Variants in ATP2B2 observed in about 807,000 individuals in gnomAD.
The protein encoded by ATP2B2 is ATPase plasma membrane Ca2+ transporting 2.
ATP2B2 carries 15 observed loss-of-function variants against 120.0 expected under a neutral mutation model. The observed-to-expected ratio is 0.12, with a 90% confidence interval of 0.08 to 0.19. The LOEUF (loss-of-function observed/expected upper bound fraction) is 0.19. ATP2B2 is among the 10% of genes least tolerant of loss of function. The probability of loss-of-function intolerance (pLI) is 1.00; values close to 1 mark genes in which losing one functional copy is unlikely to be tolerated. For missense variants in ATP2B2, 1,045 were observed against 1,719.8 expected (o/e 0.61, Z 6.94); for synonymous variants, 694 against 700.3 (o/e 0.99, Z 0.14).
At chr3:10,690,480 A>C (rs548725000) in intron 1 of ATP2B2, among the ~76,000 whole-genome samples, 70 of 138,760 alleles carry the variant, frequency 5.0e-4, no homozygotes, top group Middle Eastern at 3.8e-3. Flanking sequence ...ATCTATCTAT[A>C]TATCTCCTTC....
chr3:10,447,357 TG>T (rs1253010816), intron 2 of ATP2B2, among the ~76,000 whole-genome samples: 2 of 152,206 alleles, frequency 1.3e-5, no homozygotes, highest in Non-Finnish European at 2.9e-5. Flanking sequence ...TGCTGGAACT[TG>T]GCCGTGAGCT....
intron 1 of ATP2B2, among the ~76,000 whole-genome samples, chr3:10,705,538 A>G (rs1282618820): frequency 1.3e-5 from 2 of 152,158 alleles, no homozygotes; most frequent in African/African-American, 4.8e-5. Flanking sequence ...GCTACTGCCT[A>G]CAAGTCCTCT....
chr3:10,328,554 C>A lies in ATP2B2; in HGVS notation c.*260G>T. ...ATGTCTGGGTGGGAGCCAGGAAGGGCTTGTTTTGGGAAAACCGCTCACTCC... is the reference window on the plus strand; with the variant it reads ...ATGTCTGGGTGGGAGCCAGGAAGGGATTGTTTTGGGAAAACCGCTCACTCC... On this transcript the variant is annotated 3_prime_UTR_variant, in exon 23 of 23. Transcript: ENST00000360273. 2.2e-6 allele frequency: 1 copy of A among 456,786 alleles called. No homozygotes were observed. The highest frequency in any genetic ancestry group is 3.9e-6 in the Non-Finnish European group (1 of 255,620). The allele number at this position is 456,786 out of a possible 1,614,324, so 28.3% of individuals were successfully genotyped here.
Position 10,402,369 on chromosome 3 carries a change from A to G in ATP2B2, c.398-21T>C, listed in dbSNP as rs2062251342. The G allele has an allele frequency of 8.7e-6, 14 of 1,611,300 alleles. No homozygotes were observed. The highest frequency in any genetic ancestry group is 1.2e-5 in the Non-Finnish European group (14 of 1,180,032). On this transcript the variant is annotated intron_variant, in intron 3 of 22. Coordinates refer to ENST00000360273, the MANE Select transcript of ATP2B2 (RefSeq NM_001001331.4). The surrounding 1 kb of genome is among the most constrained non-coding windows in gnomAD (Gnocchi z 4.9). Reference sequence around the variant, plus strand: ...ACATCCTGAAAGACCAGATAGAAGCAGGCAGAGTGAGGTCAACCAGACAGG... The same window carrying G: ...ACATCCTGAAAGACCAGATAGAAGCGGGCAGAGTGAGGTCAACCAGACAGG...
chr3:10,548,456 T>C (rs2067597253), intron 2 of ATP2B2, among the ~76,000 whole-genome samples: 1 of 152,162 alleles, frequency 6.6e-6, no homozygotes, highest in African/African-American at 2.4e-5. Flanking sequence ...TGGGAGTTGG[T>C]GTATAGATAG....
chr3:10,538,116 T>C (rs2067358195), intron 2 of ATP2B2, among the ~76,000 whole-genome samples: 1 of 152,226 alleles, frequency 6.6e-6, no homozygotes, highest in Non-Finnish European at 1.5e-5. Context: ...TTGTATTGTC[T>C]TTGTCTGGTT....
At chr3:10,458,031 G>A (rs1238109436) in intron 1 of ATP2B2, among the ~76,000 whole-genome samples, 1 of 152,056 alleles carries the variant, frequency 6.6e-6, no homozygotes, top group Admixed American at 6.5e-5. Flanking sequence ...TAGATGGCAG[G>A]AAAAACCTTC....
At chr3:10,529,007 G>A (rs2067155875) in intron 3 of ATP2B2, among the ~76,000 whole-genome samples, 1 of 152,198 alleles carries the variant, frequency 6.6e-6, no homozygotes, top group South Asian at 2.1e-4. Flanking sequence ...CAATAAAGGG[G>A]GTCCAGCACT....
chr3:10,493,516 T>C (rs2066015044), intron 1 of ATP2B2, among the ~76,000 whole-genome samples: 2 of 152,104 alleles, frequency 1.3e-5, no homozygotes, highest in Non-Finnish European at 1.5e-5. Context: ...GAAAGGAGTC[T>C]CGACTTGTTC....
intron 1 of ATP2B2, among the ~76,000 whole-genome samples, chr3:10,648,627 A>G (rs907481238): frequency 1.3e-5 from 2 of 152,164 alleles, no homozygotes; most frequent in East Asian, 1.9e-4. Context: ...AGGACTCCCA[A>G]ACTCCCCCAA....
At chr3:10,569,340 C>T (rs901974163) in intron 2 of ATP2B2, among the ~76,000 whole-genome samples, 1 of 152,164 alleles carries the variant, frequency 6.6e-6, no homozygotes, top group African/African-American at 2.4e-5. Context: ...CCCTATTTTG[C>T]AGGTGAGGAA....
At chr3:10,663,022 C>T (rs34714784) in intron 1 of ATP2B2, among the ~76,000 whole-genome samples, 32,400 of 142,846 alleles carry the variant, frequency 0.23, 5,923 homozygotes, top group African/African-American at 0.51. Context: ...TGTTCTCACT[C>T]ATAGGTGGGA....
At position 10,430,558 on chromosome 3, in the gene ATP2B2, T is replaced by C. The variant is rs571127414; in HGVS notation, c.199+18787A>G. Among the ~76,000 whole-genome samples, 4 of 152,246 alleles carry C rather than the reference T, an allele frequency of 2.6e-5. No homozygotes were observed. In the East Asian group the frequency reaches 7.8e-4, roughly 30 times the overall value. ...TTCATAAGAAGCAACTCCTCCTCCA[T>C]TCAAGTTTGATCATGAGATTGCAGC... On this transcript the variant is annotated intron_variant, in intron 2 of 22. Transcript: ENST00000360273.
intron 2 of ATP2B2, among the ~76,000 whole-genome samples, chr3:10,415,785 G>A (rs1388706767): frequency 3.9e-5 from 6 of 152,222 alleles, no homozygotes; most frequent in African/African-American, 1.2e-4. Flanking sequence ...AAAGATTACC[G>A]GACAAAGGCA....
At chr3:10,358,178 G>T (rs141187254) in intron 14 of ATP2B2, among the ~76,000 whole-genome samples, 1 of 152,232 alleles carries the variant, frequency 6.6e-6, no homozygotes, top group Non-Finnish European at 1.5e-5. Flanking sequence ...GCTTGCTGGG[G>T]TAAACTGGCT....
intron 2 of ATP2B2, among the ~76,000 whole-genome samples, chr3:10,611,813 C>T (rs939663839): frequency 2.6e-5 from 4 of 152,154 alleles, no homozygotes; most frequent in Admixed American, 6.5e-5. Context: ...TCTCTCTAAG[C>T]CTTAGTTTTC....
intron 1 of ATP2B2, among the ~76,000 whole-genome samples, chr3:10,683,760 G>GTGTGTGTATGTATA (rs1446781892): frequency 1.6e-3 from 88 of 53,836 alleles, no homozygotes; most frequent in Middle Eastern, 9.6e-3. Flanking sequence ...GTGTGTGTGT[G>GTGTGTGTATGTATA]TATATATATA....
At chr3:10,466,790 G>A (rs74494319) in intron 1 of ATP2B2, among the ~76,000 whole-genome samples, 2,755 of 152,292 alleles carry the variant, frequency 0.018, 88 homozygotes, top group African/African-American at 0.062. Context: ...AAGCTCAAAA[G>A]GATCCGTTGA....
chr3:10,538,083 G>A (rs899023583), intron 2 of ATP2B2, among the ~76,000 whole-genome samples: 1 of 152,152 alleles, frequency 6.6e-6, no homozygotes, highest in African/African-American at 2.4e-5. Flanking sequence ...TACACATGAC[G>A]GATGTTAAGT....
Sources: allele counts gnomAD v4.1 joint callset (sites outside exome capture counted in the v4.1 genomes callset), GRCh38; gene constraint gnomAD v4.1.1; non-coding constraint Gnocchi (gnomAD v3.1); transcripts MANE v1.5; gene names NCBI Gene and HGNC (gene_info 2026-07-23, HGNC 2026-07-21).